The following SNCAIP variants were observed in gnomAD, a reference collection of about 807,000 sequenced individuals.
SNCAIP encodes synphilin-1.
In SNCAIP, 43 loss-of-function variants were observed where a neutral mutation model predicts 86.7. That is an observed-to-expected ratio of 0.50 (90% CI 0.39 to 0.64). The LOEUF is 0.64. Among genes scored for constraint, SNCAIP ranks in the 30% least tolerant of loss-of-function variants. The pLI is 0.00. For synonymous variants in SNCAIP, 417 were observed against 427.2 expected, an observed-to-expected ratio of 0.98 and a Z score of 0.29; for missense variants, 981 against 1,103.1, an observed-to-expected ratio of 0.89 and a Z score of 1.57.
intron 1 of SNCAIP, among the ~76,000 whole-genome samples, chr5:122,367,648 C>A (rs945538226): frequency 3.9e-5 from 6 of 152,114 alleles, no homozygotes; most frequent in African/African-American, 1.4e-4. Context: ...AGGAACTGCA[C>A]TTATGCTGCA....
At chr5:122,352,949 C>T (rs1252776521) in intron 1 of SNCAIP, among the ~76,000 whole-genome samples, 1 of 152,182 alleles carries the variant, frequency 6.6e-6, no homozygotes, top group East Asian at 1.9e-4. Context: ...TTATTCATTG[C>T]CAGTGGATAC....
intron 1 of SNCAIP, among the ~76,000 whole-genome samples, chr5:122,380,507 AT>A (rs1373162553): frequency 6.7e-6 from 1 of 149,776 alleles, no homozygotes; most frequent in East Asian, 2.0e-4. Context: ...GAATTCATTA[AT>A]TTTTTGAAGG....
intron 10 of SNCAIP, among the ~76,000 whole-genome samples, chr5:122,455,165 A>G (rs935929713): frequency 6.6e-6 from 1 of 152,228 alleles, no homozygotes; most frequent in Non-Finnish European, 1.5e-5. Context: ...GTCATTTGGC[A>G]TGTGTTTCCA....
rs531829384 is a variant in SNCAIP, at chr5:122,326,924, A to G, written c.-47+14640A>G. Among the ~76,000 whole-genome samples, 32 of 146,664 alleles carry G rather than the reference A, an allele frequency of 2.2e-4. No homozygotes were observed. In the South Asian group the frequency reaches 3.7e-3, roughly 17 times the overall value. ...TTCATAGAGTGGACACTTAACATAT[A>G]TAAACTTTCTCAACTATGTATGTAT... On this transcript the variant is annotated intron_variant, in intron 1 of 10. Coordinates refer to ENST00000261368, the MANE Select transcript of SNCAIP (RefSeq NM_005460.4).
chr5:122,315,458 A>G (rs1236766944), intron 1 of SNCAIP, among the ~76,000 whole-genome samples: 2 of 152,222 alleles, frequency 1.3e-5, no homozygotes, highest in African/African-American at 4.8e-5. Context: ...AGCCATGTCA[A>G]GTCAGAAGGT....
intron 1 of SNCAIP, among the ~76,000 whole-genome samples, chr5:122,314,968 G>C (rs137961996): frequency 1.3e-5 from 2 of 152,134 alleles, no homozygotes; most frequent in African/African-American, 4.8e-5. Flanking sequence ...ACTAAACATC[G>C]AAGAACACAT....
intron 1 of SNCAIP, among the ~76,000 whole-genome samples, chr5:122,361,274 A>G (rs1316016819): frequency 6.6e-6 from 1 of 151,650 alleles, no homozygotes; most frequent in Non-Finnish European, 1.5e-5. Flanking sequence ...AGTATCTGTC[A>G]CACCTCCATC....
Position 122,449,911 on chromosome 5 carries a change from G to A in SNCAIP, c.1659G>A (p.Glu553=). 6.2e-7 allele frequency: 1 copy of A among 1,613,474 alleles called. No individual in the cohort carries two copies. The highest frequency in any genetic ancestry group is 8.5e-7 in the Non-Finnish European group (1 of 1,179,454). The stretch of plus-strand genomic sequence containing the variant: ...AATTTCTAGAAGCCCAGAAATCAGA[G>A]GGCAAGTCACTCCCTTCTTCACCCA... The part of the protein sequence containing the change: ...LQQFLEAQKS[E]GKSLPSSPSS... Residue 553 remains glutamate, a synonymous_variant, in exon 9 of 11, where the codon GAG becomes GAA. Coordinates refer to ENST00000261368, the MANE Select transcript of SNCAIP (RefSeq NM_005460.4).
intron 6 of SNCAIP, among the ~76,000 whole-genome samples, chr5:122,435,265 A>G: frequency 6.6e-6 from 1 of 152,208 alleles, no homozygotes; most frequent in East Asian, 1.9e-4. Flanking sequence ...GTCCTCGGAT[A>G]GGCCTGCTTT....
chr5:122,439,293 C>T (rs539098494), intron 6 of SNCAIP, among the ~76,000 whole-genome samples: 1 of 152,138 alleles, frequency 6.6e-6, no homozygotes. Context: ...CTCTAGGGAC[C>T]CTTGAGGGTT....
At chr5:122,441,867 T>C (rs1240385398) in intron 7 of SNCAIP, among the ~76,000 whole-genome samples, 2 of 152,208 alleles carry the variant, frequency 1.3e-5, no homozygotes, top group Non-Finnish European at 2.9e-5. Flanking sequence ...TCTAGAATTT[T>C]ATTTACAGAC....
intron 3 of SNCAIP, among the ~76,000 whole-genome samples, chr5:122,404,931 G>A (rs1303132937): frequency 6.6e-6 from 1 of 151,940 alleles, no homozygotes; most frequent in Admixed American, 6.6e-5. Context: ...TCAATGTTTG[G>A]GTCAGAAACA....
At chr5:122,382,524 A>T in intron 1 of SNCAIP, among the ~76,000 whole-genome samples, 1 of 152,114 alleles carries the variant, frequency 6.6e-6, no homozygotes, top group Non-Finnish European at 1.5e-5. Context: ...TGATCGTCTG[A>T]AGCCTTCTTC....
chr5:122,334,714 A>G (rs1756080201), intron 1 of SNCAIP, among the ~76,000 whole-genome samples: 1 of 152,258 alleles, frequency 6.6e-6, no homozygotes, highest in Non-Finnish European at 1.5e-5. Flanking sequence ...AGACCATTCT[A>G]CAATTGAAAA....
At chr5:122,328,220 T>TCACTC (rs1393130363) in intron 1 of SNCAIP, among the ~76,000 whole-genome samples, 1 of 152,204 alleles carries the variant, frequency 6.6e-6, no homozygotes, top group African/African-American at 2.4e-5. Context: ...ATAGATTATG[T>TCACTC]CACTCATTCT....
At chr5:122,381,819 A>T (rs9716346) in intron 1 of SNCAIP, among the ~76,000 whole-genome samples, 8,793 of 152,128 alleles carry the variant, frequency 0.058, 874 homozygotes, top group African/African-American at 0.2. Flanking sequence ...TTGTCTGGAT[A>T]TGAAATTCTG....
intron 1 of SNCAIP, among the ~76,000 whole-genome samples, chr5:122,385,299 T>C (rs1049956358): frequency 6.6e-6 from 1 of 152,258 alleles, no homozygotes; most frequent in African/African-American, 2.4e-5. Flanking sequence ...GTGGATAAAG[T>C]CCACAGGGCT....
intron 5 of SNCAIP, among the ~76,000 whole-genome samples, chr5:122,428,632 T>C (rs374409000): frequency 1.5e-4 from 23 of 152,100 alleles, no homozygotes; most frequent in African/African-American, 5.3e-4. Flanking sequence ...CTAGGGTACA[T>C]GTGCACAACA....
intron 5 of SNCAIP, among the ~76,000 whole-genome samples, chr5:122,430,740 T>A (rs1207524131): frequency 1.1e-5 from 1 of 93,186 alleles, no homozygotes. Flanking sequence ...TATGAGAAAT[T>A]TTTTAAAAAT....
Sources: gnomAD v4.1 joint callset for allele counts (sites outside exome capture counted in the v4.1 genomes callset) on GRCh38, gnomAD v4.1.1 for gene constraint, MANE v1.5 for transcripts, NCBI Gene and HGNC (gene_info 2026-07-23, HGNC 2026-07-21) for gene names.